Variants in ZBTB43 observed in about 807,000 individuals in gnomAD.
The protein encoded by ZBTB43 is zinc finger and BTB domain-containing protein 43.
In ZBTB43, 6 loss-of-function variants were observed where a neutral mutation model predicts 31.1. That is an observed-to-expected ratio of 0.19 (90% CI 0.11 to 0.38). The LOEUF (loss-of-function observed/expected upper bound fraction) is 0.38. ZBTB43 is among the 10% of genes least tolerant of loss of function. The probability of loss-of-function intolerance (pLI) is 1.00; values close to 1 mark genes in which losing one functional copy is unlikely to be tolerated. For missense variants in ZBTB43, 379 were observed against 602.1 expected (o/e 0.63, Z 3.88); for synonymous variants, 212 against 221.7 (o/e 0.96, Z 0.39).
At chr9:126,814,601 G>A (rs780901044) in intron 2 of ZBTB43, among the ~76,000 whole-genome samples, 21 of 152,076 alleles carry the variant, frequency 1.4e-4, no homozygotes, top group African/African-American at 4.8e-4. Flanking sequence ...AGACCATCCT[G>A]GCTAACACAG....
At chr9:126,825,842 A>ATTTTTTTTTTTTTTTTTTTTTTTT (rs72512629) in intron 2 of ZBTB43, among the ~76,000 whole-genome samples, 1 of 91,200 alleles carries the variant, frequency 1.1e-5, no homozygotes, top group Non-Finnish European at 2.3e-5. Flanking sequence ...TCCTTTTTAT[A>ATTTTTTTTTTTTTTTTTTTTTTTT]TTTTTTTTTT....
intron 1 of ZBTB43, among the ~76,000 whole-genome samples, chr9:126,805,336 C>T (rs873836): frequency 0.097 from 14,838 of 152,264 alleles, 2,240 homozygotes; most frequent in African/African-American, 0.32. Context: ...CCACACGGCG[C>T]GCAGACCGCG....
chr9:126,818,043 T>A (rs1453130519), intron 2 of ZBTB43, among the ~76,000 whole-genome samples: 1 of 152,072 alleles, frequency 6.6e-6, no homozygotes, highest in Non-Finnish European at 1.5e-5. Context: ...TGTCTTCCAA[T>A]CCATAAACAA....
At chr9:126,810,993 G>A (rs1251394191) in intron 2 of ZBTB43, among the ~76,000 whole-genome samples, 2 of 151,646 alleles carry the variant, frequency 1.3e-5, no homozygotes, top group Non-Finnish European at 2.9e-5. Flanking sequence ...GGCCAAGGTG[G>A]GCAGATCACA....
intron 2 of ZBTB43, among the ~76,000 whole-genome samples, chr9:126,821,386 GAAAA>G (rs1338869920): frequency 6.6e-6 from 1 of 151,456 alleles, no homozygotes. Flanking sequence ...TAAAAAAAAA[GAAAA>G]AAAGAAACAC....
chr9:126,820,735 A>G (rs886508914), intron 2 of ZBTB43, among the ~76,000 whole-genome samples: 1 of 152,120 alleles, frequency 6.6e-6, no homozygotes, highest in South Asian at 2.1e-4. Context: ...CGGGAGGCCA[A>G]GGCAGGCAGA....
chr9:126,807,414 G>A (rs1461126210), intron 1 of ZBTB43, among the ~76,000 whole-genome samples: 1 of 152,150 alleles, frequency 6.6e-6, no homozygotes, highest in African/African-American at 2.4e-5. Context: ...AATTCAGAGT[G>A]TGTCCATATT....
rs2032828683 is a variant in ZBTB43, at chr9:126,834,050, C to G, written c.*137C>G. The G allele has an allele frequency of 3.9e-6, 4 of 1,037,210 alleles. No homozygotes were observed. Among genetic ancestry groups the G allele is most frequent in the South Asian group, 4.3e-5 (2 of 46,720 alleles). The allele number at this position is 1,037,210 out of a possible 1,614,324, so 64.3% of individuals were successfully genotyped here. A position where few individuals can be genotyped will look rare whatever the true frequency, so the allele number is the denominator to read the frequency against. Reference sequence around the variant, plus strand: ...AAAAAGGAAGATATTTCTGAAAGACCAGCTCTAAGTAGGCCAATTAAAAAA... The same window carrying G: ...AAAAAGGAAGATATTTCTGAAAGACGAGCTCTAAGTAGGCCAATTAAAAAA... On this transcript the variant is annotated 3_prime_UTR_variant, in exon 3 of 3. Transcript: ENST00000373464.
chr9:126,820,339 G>A (rs1312248331), intron 2 of ZBTB43, among the ~76,000 whole-genome samples: 1 of 152,088 alleles, frequency 6.6e-6, no homozygotes, highest in Admixed American at 6.5e-5. Context: ...TTTAAGTTGA[G>A]GCCACTGCTC....
chr9:126,815,628 G>T (rs1277285544), intron 2 of ZBTB43, among the ~76,000 whole-genome samples: 1 of 134,898 alleles, frequency 7.4e-6, no homozygotes, highest in Non-Finnish European at 1.6e-5. Flanking sequence ...TAAATTTCTA[G>T]ATGTTTTATT....
At chr9:126,824,413 ATCTCAGCCTGAAGGACCCCTT>A (rs1397103725) in intron 2 of ZBTB43, among the ~76,000 whole-genome samples, 2 of 152,164 alleles carry the variant, frequency 1.3e-5, no homozygotes, top group African/African-American at 4.8e-5. Context: ...GGGTTCTTTT[ATCTCAGCCTGAAGGACCCCTT>A]TAGCATTTCT....
At chr9:126,808,036 C>T (rs897980785) in intron 1 of ZBTB43, among the ~76,000 whole-genome samples, 1 of 152,040 alleles carries the variant, frequency 6.6e-6, no homozygotes, top group East Asian at 1.9e-4. Flanking sequence ...TAAAATTTGT[C>T]GATATGTTGT....
chr9:126,828,648 A>ATTATTATTATTATTATTATTATT (rs1554742722), intron 2 of ZBTB43, among the ~76,000 whole-genome samples: 4 of 133,754 alleles, frequency 3.0e-5, no homozygotes, highest in African/African-American at 1.2e-4. Context: ...TAATAATAAT[A>ATTATTATTATTATTATTATTATT]ATAATAATTA....
intron 2 of ZBTB43, among the ~76,000 whole-genome samples, chr9:126,815,023 A>T (rs2032344449): frequency 6.6e-6 from 1 of 150,486 alleles, no homozygotes. Flanking sequence ...ATTTTAAGTG[A>T]TTTGATTATG....
At chr9:126,810,495 C>CTTTT (rs1163411798) in intron 2 of ZBTB43, among the ~76,000 whole-genome samples, 104 of 73,324 alleles carry the variant, frequency 1.4e-3, no homozygotes, top group Admixed American at 2.0e-3. Flanking sequence ...GCCCAGCCGT[C>CTTTT]TTTTTTTTTT....
At position 126,834,547 on chromosome 9, in the gene ZBTB43, C is replaced by G. The variant is rs551698200; in HGVS notation, c.*634C>G. On this transcript the variant is annotated 3_prime_UTR_variant, in exon 3 of 3. Coordinates refer to ENST00000373464, the MANE Select transcript of ZBTB43 (RefSeq NM_014007.4). ...TACAAGGCTGACATAGTGCCCTTGT[C>G]AGTTTCTGTAAGATGCCACTACTGT... 2 of 167,100 alleles carry G rather than the reference C, an allele frequency of 1.2e-5. No homozygotes were observed. The highest frequency in any genetic ancestry group is 4.8e-5 in the African/African-American group (2 of 41,534). The allele number at this position is 167,100 out of a possible 1,614,324, so 10.4% of individuals were successfully genotyped here.
chr9:126,812,821 T>G (rs918990818), intron 2 of ZBTB43, among the ~76,000 whole-genome samples: 1 of 152,188 alleles, frequency 6.6e-6, no homozygotes, highest in Non-Finnish European at 1.5e-5. Context: ...AGTCACTCAT[T>G]AGTTACATGA....
Position 126,837,276 on chromosome 9 carries a change from C to T in ZBTB43, c.*3363C>T, listed in dbSNP as rs1014722579. On this transcript the variant is annotated 3_prime_UTR_variant, in exon 3 of 3. Transcript: ENST00000373464. ...GCTCCAGGCCCCCAGCCTGTTGATT[C>T]CGATTTCTAGGTCTCATCTTCCTCT... The T allele has an allele frequency of 1.2e-5, 2 of 167,088 alleles. No homozygotes were observed. Among genetic ancestry groups the T allele is most frequent in the African/African-American group, 4.8e-5 (2 of 41,448 alleles). The allele number at this position is 167,088 out of a possible 1,614,324, so 10.4% of individuals were successfully genotyped here. A position where few individuals can be genotyped will look rare whatever the true frequency, so the allele number is the denominator to read the frequency against.
At chr9:126,828,332 C>T (rs2032689228) in intron 2 of ZBTB43, among the ~76,000 whole-genome samples, 1 of 151,724 alleles carries the variant, frequency 6.6e-6, no homozygotes, top group Non-Finnish European at 1.5e-5. Flanking sequence ...TACAGGCACC[C>T]ACCACCGCGC....
Sources: gnomAD v4.1 joint callset for allele counts (sites outside exome capture counted in the v4.1 genomes callset) on GRCh38, gnomAD v4.1.1 for gene constraint, MANE v1.5 for transcripts, NCBI Gene and HGNC (gene_info 2026-07-23, HGNC 2026-07-21) for gene names.